The following ZFAND3 variants were observed in gnomAD, a reference collection of about 807,000 sequenced individuals.
ZFAND3 encodes AN1-type zinc finger protein 3.
A neutral mutation model predicts 29.6 loss-of-function variants in ZFAND3; 10 were observed. The observed-to-expected ratio is 0.34, with a 90% CI of 0.21 to 0.57. ZFAND3 has a LOEUF of 0.57. Among genes scored for constraint, ZFAND3 ranks in the 20% least tolerant of loss-of-function variants. The pLI is 0.86. For synonymous variants in ZFAND3, 128 were observed against 112.6 expected, an observed-to-expected ratio of 1.14 and a Z score of -0.87; for missense variants, 230 against 304.5, an observed-to-expected ratio of 0.76 and a Z score of 1.82.
intron 1 of ZFAND3, among the ~76,000 whole-genome samples, chr6:37,840,103 A>G (rs1202634275): frequency 2.8e-5 from 4 of 144,936 alleles, no homozygotes; most frequent in Non-Finnish European, 6.1e-5. Context: ...TTGGTTATCT[A>G]TTTTTTTTTT....
At chr6:38,069,627 A>G (rs1486355318) in intron 3 of ZFAND3, among the ~76,000 whole-genome samples, 1 of 152,174 alleles carries the variant, frequency 6.6e-6, no homozygotes, top group African/African-American at 2.4e-5. Context: ...GCAGTACAGT[A>G]TAATAATGTA....
At chr6:37,929,134 C>T (rs1234584136) in intron 1 of ZFAND3, among the ~76,000 whole-genome samples, 2 of 152,126 alleles carry the variant, frequency 1.3e-5, no homozygotes, top group African/African-American at 4.8e-5. Context: ...AAGGTCATTG[C>T]CCTGGTCTCA....
intron 2 of ZFAND3, among the ~76,000 whole-genome samples, chr6:37,997,495 C>G (rs1164895137): frequency 6.6e-6 from 1 of 152,132 alleles, no homozygotes; most frequent in East Asian, 1.9e-4. Flanking sequence ...GTGTGAGAGA[C>G]AAGACTCAAA....
intron 1 of ZFAND3, among the ~76,000 whole-genome samples, chr6:37,856,852 A>G (rs75196750): frequency 9.9e-5 from 15 of 152,140 alleles, no homozygotes; most frequent in Non-Finnish European, 1.8e-4. Context: ...AAAGTTTATT[A>G]CAAATGAAAG....
At chr6:37,957,794 C>T (rs928992382) in intron 2 of ZFAND3, among the ~76,000 whole-genome samples, 2 of 152,110 alleles carry the variant, frequency 1.3e-5, no homozygotes, top group African/African-American at 4.8e-5. Flanking sequence ...TGCATACGGA[C>T]CTAGGCCGAA....
intron 5 of ZFAND3, 69 bp from the exon 6 acceptor site, chr6:38,152,166 A>G (rs16890395): frequency 0.081 from 113,569 of 1,397,004 alleles, 4,952 homozygotes; most frequent in Non-Finnish European, 0.09. Context: ...GACAAAGGCA[A>G]TTGTGAGGCT....
intron 1 of ZFAND3, among the ~76,000 whole-genome samples, chr6:37,908,567 AAG>A (rs1304879894): frequency 6.7e-6 from 1 of 150,080 alleles, no homozygotes; most frequent in Admixed American, 6.6e-5. Context: ...AAAGAAAAAA[AAG>A]AAAATAATTA....
chr6:37,921,206 A>G (rs969313394), intron 1 of ZFAND3, among the ~76,000 whole-genome samples: 2 of 152,184 alleles, frequency 1.3e-5, no homozygotes, highest in African/African-American at 4.8e-5. Context: ...GTGTTTTTAC[A>G]GACTAGTTTT....
intron 2 of ZFAND3, among the ~76,000 whole-genome samples, chr6:38,061,285 T>C (rs901427542): frequency 1.3e-5 from 2 of 152,246 alleles, no homozygotes; most frequent in Non-Finnish European, 1.5e-5. Context: ...AAACTATTCT[T>C]TATTCCCTTT....
At chr6:37,869,548 AC>A (rs759635575) in intron 1 of ZFAND3, among the ~76,000 whole-genome samples, 32 of 148,386 alleles carry the variant, frequency 2.2e-4, no homozygotes, top group Non-Finnish European at 4.0e-4. Context: ...TCTTGCTGTC[AC>A]CCAGGCTTAA....
chr6:38,013,737 A>AT (rs538523536), intron 2 of ZFAND3, among the ~76,000 whole-genome samples: 1 of 150,496 alleles, frequency 6.6e-6, no homozygotes, highest in East Asian at 1.9e-4. Context: ...TAAAAAAAAA[A>AT]CAAAAAAAAC....
Position 37,857,273 on chromosome 6 carries a change from A to G in ZFAND3, c.71+37257A>G, listed in dbSNP as rs373935618. Among the ~76,000 whole-genome samples, 6 of 152,320 alleles carry G rather than the reference A, an allele frequency of 3.9e-5. No homozygotes were observed. The South Asian group carries it at 8.3e-4, about 21-fold the overall frequency. On this transcript the variant is annotated intron_variant, in intron 1 of 5. Transcript: ENST00000287218. ...GATAAATATTATGTTTATCAACACA[A>G]TTGTTTATTTGTTAAGAATGAAACA...
chr6:37,990,071 G>A (rs1762733440), intron 2 of ZFAND3, among the ~76,000 whole-genome samples: 1 of 152,090 alleles, frequency 6.6e-6, no homozygotes. Flanking sequence ...CTAACTTTAG[G>A]GCTGAATCAG....
At chr6:37,937,851 G>A (rs1048471918) in intron 2 of ZFAND3, among the ~76,000 whole-genome samples, 1 of 152,042 alleles carries the variant, frequency 6.6e-6, no homozygotes, top group African/African-American at 2.4e-5. Flanking sequence ...TGTTAAAAGG[G>A]GACAGCTCAA....
intron 2 of ZFAND3, among the ~76,000 whole-genome samples, chr6:38,027,716 A>G (rs2127450075): frequency 1.3e-5 from 2 of 152,334 alleles, no homozygotes; most frequent in South Asian, 4.1e-4. Context: ...CAAAAGGCGG[A>G]TGCTCTCAGC....
intron 1 of ZFAND3, among the ~76,000 whole-genome samples, chr6:37,907,115 GCTTGCACTGA>G (rs1765422686): frequency 6.6e-6 from 1 of 151,688 alleles, no homozygotes; most frequent in Admixed American, 6.6e-5. Flanking sequence ...CTGATTCCAT[GCTTGCACTGA>G]CTCTCTGTCT....
At chr6:37,926,388 T>TCTGGGGGCTGCCCCAGCATTC (rs1285107705) in intron 1 of ZFAND3, among the ~76,000 whole-genome samples, 1 of 152,206 alleles carries the variant, frequency 6.6e-6, no homozygotes, top group Non-Finnish European at 1.5e-5. Flanking sequence ...TCTTCCAGCT[T>TCTGGGGGCTGCCCCAGCATTC]CTGGGGGCTG....
chr6:37,851,101 G>A (rs1378875355), intron 1 of ZFAND3, among the ~76,000 whole-genome samples: 1 of 150,134 alleles, frequency 6.7e-6, no homozygotes, highest in Non-Finnish European at 1.5e-5. Flanking sequence ...AGGCTGGAGT[G>A]CAGCGGTGTG....
intron 1 of ZFAND3, among the ~76,000 whole-genome samples, chr6:37,841,394 A>G (rs11970017): frequency 0.13 from 19,876 of 152,196 alleles, 2,121 homozygotes; most frequent in African/African-American, 0.3. Flanking sequence ...TTATTTTCCA[A>G]GTAAATTGTA....
Sources: allele counts gnomAD v4.1 joint callset (sites outside exome capture counted in the v4.1 genomes callset), GRCh38; gene constraint gnomAD v4.1.1; transcripts MANE v1.5; gene names NCBI Gene and HGNC (gene_info 2026-07-23, HGNC 2026-07-21).